The following DLST variants were observed in gnomAD, a reference collection of about 807,000 sequenced individuals.
The protein encoded by DLST is dihydrolipoamide S-succinyltransferase.
Under a neutral mutation model 53.1 loss-of-function variants are expected in DLST, and 17 were observed. That is an observed-to-expected ratio of 0.32 (90% CI 0.22 to 0.48). The LOEUF (loss-of-function observed/expected upper bound fraction) is 0.48. Among genes scored for constraint, DLST ranks in the 20% least tolerant of loss-of-function variants. The pLI is 0.99. For missense variants in DLST, 512 were observed against 583.9 expected (o/e 0.88, Z 1.27); for synonymous variants, 206 against 204.8 (o/e 1.01, Z -0.05).
rs898966210 is a variant in DLST, at chr14:74,900,207, AC to A, written c.976-80del. 1.2e-5 allele frequency: 16 copies of A among 1,323,326 alleles called. No individual in the cohort carries two copies. In the African/African-American group the frequency reaches 2.3e-4, roughly 19 times the overall value. 82.0% of individuals were successfully genotyped at this position (1,323,326 alleles called of 1,614,324 possible). On this transcript the variant is annotated intron_variant, in intron 12 of 14. Coordinates refer to ENST00000334220, the MANE Select transcript of DLST (RefSeq NM_001933.5). ...AATGAAGGTATTCTAGGGAGGGCAT[AC>A]CATGGGTTGAATCAAGGGAGTTGTT...
chr14:74,883,810 A>G (rs1883614742), intron 2 of DLST, among the ~76,000 whole-genome samples: 1 of 152,182 alleles, frequency 6.6e-6, no homozygotes, highest in Admixed American at 6.5e-5. Context: ...TTAACCCACC[A>G]TGTTCTCATT....
At position 74,902,181 on chromosome 14, in the gene DLST, C is replaced by T; in HGVS notation, c.1228-15C>T. 8 of 1,551,952 alleles carry T rather than the reference C, an allele frequency of 5.2e-6. No individual in the cohort carries two copies. The highest frequency in any genetic ancestry group is 7.0e-6 in the Non-Finnish European group (8 of 1,142,264). ...GCTTGCTGGAGACAAACCTATTTAC[C>T]TTTCCTCTCTGTAGGTAGAGGTGCG... On this transcript the variant is annotated splice_polypyrimidine_tract_variant and intron_variant, in intron 14 of 14. Transcript: ENST00000334220.
At chr14:74,895,652 C>A (rs1884054041) in intron 10 of DLST, among the ~76,000 whole-genome samples, 1 of 152,060 alleles carries the variant, frequency 6.6e-6, no homozygotes, top group Admixed American at 6.5e-5. Context: ...GTAATCGCAA[C>A]ACTTTGGGAG....
At chr14:74,891,957 A>T in intron 7 of DLST, 3 of 626,436 alleles carry the variant, frequency 4.8e-6, no homozygotes, top group Non-Finnish European at 6.0e-6. Context: ...CCCTGGATAT[A>T]ATGTCCAGAT....
intron 7 of DLST, among the ~76,000 whole-genome samples, chr14:74,892,521 T>C (rs1470085746): frequency 6.6e-6 from 1 of 152,156 alleles, no homozygotes; most frequent in African/African-American, 2.4e-5. Flanking sequence ...TGTTTTTTTT[T>C]TTCCTTGGAA....
At chr14:74,891,471 A>G (rs890040467) in intron 7 of DLST, 7 of 1,022,082 alleles carry the variant, frequency 6.8e-6, no homozygotes, top group Non-Finnish European at 7.0e-6. Context: ...CTGAAAATTC[A>G]AAATCTGAAA....
intron 6 of DLST, among the ~76,000 whole-genome samples, chr14:74,890,302 AT>A (rs1391376133): frequency 6.6e-6 from 1 of 151,646 alleles, no homozygotes; most frequent in Non-Finnish European, 1.5e-5. Context: ...TAATTTTTGT[AT>A]TTTTTGTAGA....
At position 74,903,408 on chromosome 14, in the gene DLST, C is replaced by G. The variant is rs1374237555; in HGVS notation, c.*1078C>G. 6.6e-6 allele frequency: 1 copy of G among 152,232 alleles called. No homozygotes were observed. Among genetic ancestry groups the G allele is most frequent in the Admixed American group, 6.5e-5 (1 of 15,274 alleles). The allele number at this position is 152,232 out of a possible 1,614,324, so 9.4% of individuals were successfully genotyped here. ...GAAACCACCCTGAGGGTGTTAGTACCTAGTGGTGAAACGGATGAGGTCATT... is the reference window on the plus strand; with the variant it reads ...GAAACCACCCTGAGGGTGTTAGTACGTAGTGGTGAAACGGATGAGGTCATT... On this transcript the variant is annotated 3_prime_UTR_variant, in exon 15 of 15. Coordinates refer to ENST00000334220, the MANE Select transcript of DLST (RefSeq NM_001933.5).
chr14:74,900,834 C>T lies in DLST; in HGVS notation c.1060-232C>T, dbSNP rs147762190. 1.5e-3 allele frequency among the ~76,000 whole-genome samples: 225 copies of T among 152,286 alleles called. 1 individual carries two copies. Among genetic ancestry groups the T allele is most frequent in the Middle Eastern group, 0.014 (4 of 294 alleles). On this transcript the variant is annotated intron_variant, in intron 13 of 14. Coordinates refer to ENST00000334220, the MANE Select transcript of DLST (RefSeq NM_001933.5). ...TGCACTCCTGGGCTCAAGCGATTCT[C>T]CTGCCTCAGCCTCCCAAGTAGCTGG...
intron 2 of DLST, among the ~76,000 whole-genome samples, chr14:74,884,421 C>G (rs944247438): frequency 6.6e-6 from 1 of 152,154 alleles, no homozygotes; most frequent in Admixed American, 6.5e-5. Context: ...GAGCCTTGCA[C>G]TTGGGGATTT....
chr14:74,886,347 G>C (rs1883705076), intron 3 of DLST, among the ~76,000 whole-genome samples: 1 of 152,210 alleles, frequency 6.6e-6, no homozygotes, highest in South Asian at 2.1e-4. Context: ...GTTGTTTTGA[G>C]ACAGGATCTT....
intron 7 of DLST, among the ~76,000 whole-genome samples, chr14:74,892,577 G>C (rs1006645675): frequency 6.6e-6 from 1 of 151,554 alleles, no homozygotes; most frequent in Non-Finnish European, 1.5e-5. Context: ...AGTACTTGCT[G>C]AATTTATTCA....
chr14:74,890,956 G>C, intron 6 of DLST, 100 bp from the exon 7 acceptor site: 1 of 1,467,040 alleles, frequency 6.8e-7, no homozygotes, highest in Non-Finnish European at 9.1e-7. Flanking sequence ...GGGACTACAG[G>C]CATGAGCCAC....
chr14:74,902,208 C>T lies in DLST; in HGVS notation c.1240C>T (p.Pro414Ser), dbSNP rs1468470791. 1 of 1,601,332 alleles carries T rather than the reference C, an allele frequency of 6.2e-7. No individual in the cohort carries two copies. The highest frequency in any genetic ancestry group is 2.2e-5 in the East Asian group (1 of 44,554). Reference sequence around the variant, plus strand: ...TTCCTCTCTGTAGGTAGAGGTGCGGCCCATGATGTACGTGGCACTGACCTA... The same window carrying T: ...TTCCTCTCTGTAGGTAGAGGTGCGGTCCATGATGTACGTGGCACTGACCTA... ...VAIGGKVEVR[P>S]MMYVALTYDH... The change falls in exon 15 of 15, where the codon CCC (proline) becomes TCC (serine). Residue 414 changes from proline (P) to serine (S), a missense_variant. Coordinates refer to ENST00000334220, the MANE Select transcript of DLST (RefSeq NM_001933.5).
intron 2 of DLST, among the ~76,000 whole-genome samples, chr14:74,882,871 G>T (rs1883576523): frequency 6.6e-6 from 1 of 152,212 alleles, no homozygotes; most frequent in Non-Finnish European, 1.5e-5. Context: ...TACAGTTCTT[G>T]CCCTCGTGGA....
At chr14:74,894,234 G>C in intron 9 of DLST, 78 bp from the exon 10 acceptor site, 1 of 1,558,638 alleles carries the variant, frequency 6.4e-7, no homozygotes, top group Non-Finnish European at 8.7e-7. Context: ...GTGGCAAGCC[G>C]TGTTCTTTCT....
intron 10 of DLST, among the ~76,000 whole-genome samples, chr14:74,896,612 T>C (rs897889457): frequency 4.6e-5 from 7 of 152,334 alleles, no homozygotes; most frequent in Non-Finnish European, 8.8e-5. Flanking sequence ...TGGGAAACTT[T>C]CCGAAGAGAC....
intron 14 of DLST, 23 bp from the exon 15 acceptor site, chr14:74,902,173 C>T (rs761563402): frequency 2.4e-5 from 37 of 1,539,010 alleles, no homozygotes; most frequent in Non-Finnish European, 1.8e-6. Flanking sequence ...GGAGACAAAC[C>T]TATTTACCTT....
At chr14:74,889,865 G>GGTAGCCTT in intron 5 of DLST, 32 bp from the exon 6 acceptor site, 1 of 1,612,852 alleles carries the variant, frequency 6.2e-7, no homozygotes, top group South Asian at 1.1e-5. Context: ...CCCGCTAACA[G>GGTAGCCTT]GTAGCCTTGT....
Sources: allele counts gnomAD v4.1 joint callset (sites outside exome capture counted in the v4.1 genomes callset), GRCh38; gene constraint gnomAD v4.1.1; transcripts MANE v1.5; gene names NCBI Gene and HGNC (gene_info 2026-07-23, HGNC 2026-07-21).